The following RNF150 variants were observed in gnomAD, a reference collection of about 807,000 sequenced individuals.
RNF150 encodes ring finger protein 150.
Under a neutral mutation model 39.3 loss-of-function variants are expected in RNF150, and 24 were observed. The observed-to-expected ratio is 0.61, with a 90% CI of 0.44 to 0.86. The LOEUF is 0.86. Among genes scored for constraint, RNF150 ranks in the 40% least tolerant of loss-of-function variants. The pLI is 0.00. For missense variants in RNF150, 502 were observed against 587.8 expected (o/e 0.85, Z 1.51); for synonymous variants, 255 against 227.3 (o/e 1.12, Z -1.10).
At chr4:140,998,076 T>C (rs1343061324) in intron 1 of RNF150, among the ~76,000 whole-genome samples, 1 of 152,132 alleles carries the variant, frequency 6.6e-6, no homozygotes, top group East Asian at 1.9e-4. Context: ...CCCCAATAAA[T>C]AACGTTCTCT....
At chr4:141,071,349 A>T (rs899446115) in intron 1 of RNF150, among the ~76,000 whole-genome samples, 1 of 151,812 alleles carries the variant, frequency 6.6e-6, no homozygotes, top group South Asian at 2.1e-4. Context: ...AACCTGCACA[A>T]TGTGCACATG....
chr4:141,054,331 C>A (rs1736887918), intron 1 of RNF150, among the ~76,000 whole-genome samples: 1 of 152,134 alleles, frequency 6.6e-6, no homozygotes, highest in Non-Finnish European at 1.5e-5. Flanking sequence ...CAATATGCAT[C>A]ATTTTGCACA....
intron 1 of RNF150, among the ~76,000 whole-genome samples, chr4:141,078,605 C>A (rs1021723113): frequency 6.0e-5 from 9 of 151,058 alleles, no homozygotes; most frequent in African/African-American, 2.2e-4. Context: ...CATGGTGAAA[C>A]CCCGTCTCTA....
intron 1 of RNF150, among the ~76,000 whole-genome samples, chr4:141,207,892 A>G (rs984117238): frequency 2.0e-5 from 3 of 152,216 alleles, no homozygotes; most frequent in African/African-American, 7.2e-5. Flanking sequence ...TAGTCAGGAC[A>G]AAAGAAACCA....
intron 1 of RNF150, among the ~76,000 whole-genome samples, chr4:141,182,115 G>A (rs1727918040): frequency 1.3e-5 from 2 of 150,958 alleles, no homozygotes; most frequent in African/African-American, 2.4e-5. Context: ...AAAAGCCTTT[G>A]ACAAAATTCA....
chr4:140,922,452 G>C (rs940282829), intron 5 of RNF150, among the ~76,000 whole-genome samples: 25 of 151,066 alleles, frequency 1.7e-4, no homozygotes, highest in African/African-American at 5.6e-4. Flanking sequence ...ACAAACCACT[G>C]CTCAATGAAA....
intron 1 of RNF150, among the ~76,000 whole-genome samples, chr4:141,104,386 T>C (rs1050620528): frequency 3.3e-5 from 5 of 152,116 alleles, no homozygotes; most frequent in African/African-American, 1.2e-4. Flanking sequence ...TTTTGAATCA[T>C]CTCCAATAAA....
At chr4:140,930,893 G>A (rs895311344) in intron 4 of RNF150, among the ~76,000 whole-genome samples, 2 of 136,948 alleles carry the variant, frequency 1.5e-5, no homozygotes, top group African/African-American at 5.4e-5. Flanking sequence ...GTCATTTAGC[G>A]ATTCACTGTT....
At chr4:141,049,097 G>A (rs1002553031) in intron 1 of RNF150, among the ~76,000 whole-genome samples, 2 of 152,096 alleles carry the variant, frequency 1.3e-5, no homozygotes, top group African/African-American at 4.8e-5. Context: ...GGATGAAAGT[G>A]CTTTAGTAAT....
Position 141,132,228 on chromosome 4 carries a change from C to T in RNF150, c.484+97G>A. ...ACCCAGACACGTCTTCCGCGCCGCA[C>T]GGACTTCCCAGAAGGAGCCTGGAGG... is the stretch of plus-strand genomic sequence containing the variant. On this transcript the variant is annotated intron_variant, in intron 1 of 6. Transcript: ENST00000515673. This position sits in a 1 kb window ranked among gnomAD's most constrained non-coding sequence, Gnocchi z 4.9. 1.5e-6 allele frequency: 2 copies of T among 1,302,620 alleles called. No individual in the cohort carries two copies. Among genetic ancestry groups the T allele is most frequent in the Non-Finnish European group, 2.1e-6 (2 of 945,974 alleles). The allele number at this position is 1,302,620 out of a possible 1,614,324, so 80.7% of individuals were successfully genotyped here. A position where few individuals can be genotyped will look rare whatever the true frequency, so the allele number is the denominator to read the frequency against.
intron 1 of RNF150, among the ~76,000 whole-genome samples, chr4:141,177,069 A>AC (rs1241728892): frequency 2.0e-5 from 3 of 151,358 alleles, no homozygotes; most frequent in Non-Finnish European, 4.4e-5. Context: ...AAAAAAAAAA[A>AC]AAAAACAAAG....
intron 6 of RNF150, among the ~76,000 whole-genome samples, chr4:140,879,524 T>C (rs1193708325): frequency 6.6e-6 from 1 of 152,208 alleles, no homozygotes; most frequent in African/African-American, 2.4e-5. Context: ...TCCTTTCATA[T>C]TGTTACTGTT....
At chr4:141,072,862 A>C (rs911867062) in intron 1 of RNF150, among the ~76,000 whole-genome samples, 1 of 152,160 alleles carries the variant, frequency 6.6e-6, no homozygotes, top group Non-Finnish European at 1.5e-5. Context: ...CAAAACAAAA[A>C]AGGCTTCCAT....
intron 5 of RNF150, among the ~76,000 whole-genome samples, chr4:140,911,604 A>G (rs1730609500): frequency 6.6e-6 from 1 of 152,230 alleles, no homozygotes; most frequent in African/African-American, 2.4e-5. Context: ...ATTAAAAATT[A>G]AAGTTTTATT....
At chr4:140,932,285 CA>C (rs1217455962) in intron 4 of RNF150, among the ~76,000 whole-genome samples, 1 of 152,188 alleles carries the variant, frequency 6.6e-6, no homozygotes. Context: ...AATTAATGAA[CA>C]CTGACATTAA....
intron 1 of RNF150, among the ~76,000 whole-genome samples, chr4:141,035,592 A>C (rs951620251): frequency 1.3e-5 from 2 of 152,190 alleles, no homozygotes; most frequent in African/African-American, 4.8e-5. Context: ...ACGAGATAAC[A>C]AGGCAGTGGC....
intron 1 of RNF150, among the ~76,000 whole-genome samples, chr4:141,205,225 C>T (rs986529408): frequency 2.0e-5 from 3 of 152,028 alleles, no homozygotes; most frequent in African/African-American, 7.3e-5. Context: ...CATTGTTATA[C>T]CCTAAGCATC....
chr4:141,047,436 C>G (rs1373883350), intron 1 of RNF150, among the ~76,000 whole-genome samples: 1 of 152,100 alleles, frequency 6.6e-6, no homozygotes, highest in East Asian at 1.9e-4. Flanking sequence ...GTTCCCAGAA[C>G]TGATCAAAGA....
At chr4:141,209,290 AT>A (rs1306447265) in intron 1 of RNF150, among the ~76,000 whole-genome samples, 5 of 152,114 alleles carry the variant, frequency 3.3e-5, no homozygotes, top group African/African-American at 4.8e-5. Context: ...ACTATTGTAC[AT>A]GCTATATGTA....
Sources: gnomAD v4.1 joint callset for allele counts (sites outside exome capture counted in the v4.1 genomes callset) on GRCh38, gnomAD v4.1.1 for gene constraint, Gnocchi (gnomAD v3.1) non-coding constraint, MANE v1.5 for transcripts, NCBI Gene and HGNC (gene_info 2026-07-23, HGNC 2026-07-21) for gene names.